Variants in NKAIN2 observed in about 807,000 individuals in gnomAD.
NKAIN2 encodes the protein sodium/potassium transporting ATPase interacting 2.
NKAIN2 carries 14 observed loss-of-function variants against 32.6 expected under a neutral mutation model. The ratio of observed to expected loss-of-function variants is 0.43; its 90% CI spans 0.28 to 0.67. NKAIN2 has a LOEUF of 0.67. NKAIN2 is among the 30% of genes least tolerant of loss of function. The probability of loss-of-function intolerance (pLI) is 0.17; values close to 1 mark genes in which losing one functional copy is unlikely to be tolerated. For missense variants in NKAIN2, 198 were observed against 258.3 expected, an observed-to-expected ratio of 0.77 and a Z score of 1.60; for synonymous variants, 80 against 87.2, an observed-to-expected ratio of 0.92 and a Z score of 0.46.
chr6:124,540,293 G>A (rs1216563000), intron 3 of NKAIN2, among the ~76,000 whole-genome samples: 1 of 152,236 alleles, frequency 6.6e-6, no homozygotes, highest in African/African-American at 2.4e-5. Flanking sequence ...TTGATGTACA[G>A]ATAGGAAATT....
intron 1 of NKAIN2, among the ~76,000 whole-genome samples, chr6:124,215,152 A>G (rs1791400878): frequency 6.6e-6 from 1 of 152,222 alleles, no homozygotes; most frequent in Admixed American, 6.5e-5. Context: ...ATTGTGAAGA[A>G]AAGAGCACTT....
chr6:124,109,390 T>A (rs1785264586), intron 1 of NKAIN2, among the ~76,000 whole-genome samples: 1 of 152,098 alleles, frequency 6.6e-6, no homozygotes, highest in South Asian at 2.1e-4. Context: ...GCTGGTTGAT[T>A]TTGTATCCTG....
At chr6:124,318,880 A>G (rs1244569851) in intron 2 of NKAIN2, among the ~76,000 whole-genome samples, 1 of 152,082 alleles carries the variant, frequency 6.6e-6, no homozygotes, top group Non-Finnish European at 1.5e-5. Flanking sequence ...TGCTGAGTAA[A>G]CAAGTCTGGG....
chr6:124,682,519 C>T (rs1299651909), intron 4 of NKAIN2, among the ~76,000 whole-genome samples: 1 of 152,120 alleles, frequency 6.6e-6, no homozygotes, highest in Non-Finnish European at 1.5e-5. Context: ...TTTGTAAGAA[C>T]TCACAACCAC....
At chr6:124,757,132 TCTG>T (rs903870412) in intron 4 of NKAIN2, among the ~76,000 whole-genome samples, 3 of 152,190 alleles carry the variant, frequency 2.0e-5, no homozygotes, top group Non-Finnish European at 4.4e-5. Flanking sequence ...AAAGAGCAAC[TCTG>T]CTGCTATTAA....
At chr6:124,813,079 A>C (rs944051715) in intron 5 of NKAIN2, among the ~76,000 whole-genome samples, 1 of 152,232 alleles carries the variant, frequency 6.6e-6, no homozygotes, top group Admixed American at 6.6e-5. Context: ...AATATAAATA[A>C]TTTTCAGAAG....
chr6:123,990,448 A>T (rs1201976230), intron 1 of NKAIN2, among the ~76,000 whole-genome samples: 1 of 152,224 alleles, frequency 6.6e-6, no homozygotes, highest in East Asian at 1.9e-4. Flanking sequence ...TTTTAGAGGT[A>T]CATGGTTTTA....
chr6:124,401,544 C>T (rs960637699), intron 3 of NKAIN2, among the ~76,000 whole-genome samples: 1 of 152,138 alleles, frequency 6.6e-6, no homozygotes, highest in Non-Finnish European at 1.5e-5. Flanking sequence ...TGACACTTCA[C>T]GGAAAAAGTT....
chr6:124,133,646 T>G (rs1411341770), intron 1 of NKAIN2, among the ~76,000 whole-genome samples: 2 of 151,954 alleles, frequency 1.3e-5, no homozygotes, highest in Non-Finnish European at 2.9e-5. Flanking sequence ...CAAGATAAGC[T>G]TCTAGAGATC....
chr6:123,838,708 A>C (rs1024018408), intron 1 of NKAIN2, among the ~76,000 whole-genome samples: 3 of 152,192 alleles, frequency 2.0e-5, no homozygotes, highest in Admixed American at 2.0e-4. Flanking sequence ...ATGTTAAAGC[A>C]GTGTGTTTTA....
At chr6:124,616,370 T>G (rs1438396397) in intron 3 of NKAIN2, among the ~76,000 whole-genome samples, 8 of 151,152 alleles carry the variant, frequency 5.3e-5, no homozygotes, top group Admixed American at 4.0e-4. Flanking sequence ...ATTTTTTAAT[T>G]TAAAGTATTT....
At chr6:124,556,409 G>A (rs1780477500) in intron 3 of NKAIN2, among the ~76,000 whole-genome samples, 1 of 152,190 alleles carries the variant, frequency 6.6e-6, no homozygotes, top group South Asian at 2.1e-4. Context: ...TAGGTCATGA[G>A]GGCTTTGACC....
At chr6:124,214,415 G>A (rs2114671758) in intron 1 of NKAIN2, among the ~76,000 whole-genome samples, 1 of 152,254 alleles carries the variant, frequency 6.6e-6, no homozygotes, top group South Asian at 2.1e-4. Flanking sequence ...TAATAGCTGT[G>A]TTTAACAATG....
chr6:124,781,719 G>T (rs1488437479), intron 4 of NKAIN2, among the ~76,000 whole-genome samples: 4 of 151,970 alleles, frequency 2.6e-5, no homozygotes, highest in Non-Finnish European at 5.9e-5. Flanking sequence ...TTGAAAAGAA[G>T]GTAACTCAGA....
chr6:124,222,257 C>A (rs1453850939), intron 1 of NKAIN2, among the ~76,000 whole-genome samples: 1 of 151,970 alleles, frequency 6.6e-6, no homozygotes, highest in Non-Finnish European at 1.5e-5. Context: ...ATGTTGTTGC[C>A]CTCACAGAGA....
intron 1 of NKAIN2, among the ~76,000 whole-genome samples, chr6:123,937,359 T>G (rs1776563014): frequency 6.6e-6 from 1 of 152,082 alleles, no homozygotes; most frequent in Non-Finnish European, 1.5e-5. Flanking sequence ...AGCAGCACAA[T>G]TGGAAATGGA....
chr6:123,807,384 G>A (rs1022793857), intron 1 of NKAIN2, among the ~76,000 whole-genome samples: 2 of 152,064 alleles, frequency 1.3e-5, no homozygotes, highest in Non-Finnish European at 2.9e-5. Flanking sequence ...CAGAGCTTAA[G>A]CTCATAATCT....
intron 2 of NKAIN2, among the ~76,000 whole-genome samples, chr6:124,299,081 A>G (rs1377015442): frequency 1.3e-5 from 2 of 152,220 alleles, no homozygotes; most frequent in African/African-American, 4.8e-5. Flanking sequence ...AGAGACACTG[A>G]TGCTCTGTTA....
At chr6:124,437,295 G>A (rs554678745) in intron 3 of NKAIN2, among the ~76,000 whole-genome samples, 22 of 152,158 alleles carry the variant, frequency 1.4e-4, no homozygotes, top group Non-Finnish European at 2.6e-4. Flanking sequence ...CGCCATGCCT[G>A]GCACAGAATA....
Sources: allele counts gnomAD v4.1 joint callset (sites outside exome capture counted in the v4.1 genomes callset), GRCh38; gene constraint gnomAD v4.1.1; transcripts MANE v1.5; gene names NCBI Gene and HGNC (gene_info 2026-07-23, HGNC 2026-07-21).